Variants in GRIA2 observed in about 807,000 individuals in gnomAD.
The protein encoded by GRIA2 is glutamate receptor 2.
A neutral mutation model predicts 97.3 loss-of-function variants in GRIA2; 14 were observed. That is an observed-to-expected ratio of 0.14 (90% confidence interval 0.10 to 0.23). The LOEUF is 0.23. Ranked by LOEUF, GRIA2 falls within the 10% of genes least tolerant of loss-of-function variation. The probability of loss-of-function intolerance (pLI) is 1.00; values close to 1 mark genes in which losing one functional copy is unlikely to be tolerated. For missense variants in GRIA2, 558 were observed against 1,069.8 expected, an observed-to-expected ratio of 0.52 and a Z score of 6.67; for synonymous variants, 412 against 387.8, an observed-to-expected ratio of 1.06 and a Z score of -0.73.
intron 2 of GRIA2, among the ~76,000 whole-genome samples, chr4:157,260,336 A>G (rs776550201): frequency 3.3e-5 from 5 of 152,114 alleles, no homozygotes; most frequent in Non-Finnish European, 7.4e-5. Context: ...CTTAATCAAT[A>G]TAAAGCTGTA....
At chr4:157,327,685 T>C (rs1017036173) in intron 6 of GRIA2, among the ~76,000 whole-genome samples, 1 of 152,132 alleles carries the variant, frequency 6.6e-6, no homozygotes, top group Admixed American at 6.6e-5. Context: ...AGTCTCCTAC[T>C]GGTGTTAAGG....
intron 2 of GRIA2, among the ~76,000 whole-genome samples, chr4:157,243,091 G>A (rs1246051807): frequency 6.6e-6 from 1 of 152,134 alleles, no homozygotes; most frequent in Non-Finnish European, 1.5e-5. Flanking sequence ...AGAAGGCAGA[G>A]TGTTGCCTTG....
chr4:157,355,618 T>TTATATATATTTATTTA (rs1560780550), intron 12 of GRIA2, among the ~76,000 whole-genome samples: 1 of 139,504 alleles, frequency 7.2e-6, no homozygotes, highest in African/African-American at 2.6e-5. Context: ...ATATATTTAT[T>TTATATATATTTATTTA]TATATATATT....
intron 2 of GRIA2, among the ~76,000 whole-genome samples, chr4:157,271,401 A>C (rs1294344298): frequency 6.6e-6 from 1 of 152,086 alleles, no homozygotes; most frequent in Non-Finnish European, 1.5e-5. Flanking sequence ...GCTATAAATC[A>C]GGGTTCCCAT....
At chr4:157,231,504 A>C (rs1032227299) in intron 2 of GRIA2, among the ~76,000 whole-genome samples, 9 of 152,194 alleles carry the variant, frequency 5.9e-5, no homozygotes, top group African/African-American at 2.2e-4. Context: ...TGAGGAAAAA[A>C]CACAAATTTA....
At chr4:157,273,867 T>A (rs966314727) in intron 2 of GRIA2, among the ~76,000 whole-genome samples, 16 of 152,056 alleles carry the variant, frequency 1.1e-4, no homozygotes, top group African/African-American at 3.1e-4. Context: ...CATCCAGATA[T>A]CTCAAAGAAC....
At chr4:157,356,672 A>G (rs1736392365) in intron 12 of GRIA2, among the ~76,000 whole-genome samples, 2 of 152,166 alleles carry the variant, frequency 1.3e-5, no homozygotes, top group South Asian at 4.1e-4. Flanking sequence ...GTAACATGAA[A>G]TTGCTGGATT....
intron 3 of GRIA2, among the ~76,000 whole-genome samples, chr4:157,305,340 A>G (rs1405229633): frequency 6.6e-6 from 1 of 151,884 alleles, no homozygotes; most frequent in Non-Finnish European, 1.5e-5. Flanking sequence ...AAGCCACCAT[A>G]ATGTGTTCAG....
intron 15 of GRIA2, 26 bp downstream of exon 15, chr4:157,363,073 T>G: frequency 1.3e-6 from 2 of 1,580,248 alleles, no homozygotes; most frequent in Non-Finnish European, 1.7e-6. Flanking sequence ...TAATACAAAC[T>G]TTTTAGTGCA....
chr4:157,291,846 G>A (rs1355706201), intron 2 of GRIA2, among the ~76,000 whole-genome samples: 1 of 151,792 alleles, frequency 6.6e-6, no homozygotes, highest in Non-Finnish European at 1.5e-5. Context: ...ACTGATAAGA[G>A]GGTTCAGTAA....
At chr4:157,284,767 T>C (rs540371578) in intron 2 of GRIA2, among the ~76,000 whole-genome samples, 1 of 151,782 alleles carries the variant, frequency 6.6e-6, no homozygotes, top group Non-Finnish European at 1.5e-5. Context: ...TTTAAAATTC[T>C]TCAGCACTTA....
At chr4:157,261,947 A>G (rs947640555) in intron 2 of GRIA2, among the ~76,000 whole-genome samples, 1 of 152,022 alleles carries the variant, frequency 6.6e-6, no homozygotes, top group Non-Finnish European at 1.5e-5. Context: ...TGTTCTTTCC[A>G]TTATACCATG....
chr4:157,223,547 G>A (rs1729603088), intron 2 of GRIA2, among the ~76,000 whole-genome samples: 1 of 152,156 alleles, frequency 6.6e-6, no homozygotes, highest in East Asian at 1.9e-4. Flanking sequence ...TTACCTAACA[G>A]ATTTAGACTA....
chr4:157,274,794 T>C (rs932005773), intron 2 of GRIA2, among the ~76,000 whole-genome samples: 1 of 151,830 alleles, frequency 6.6e-6, no homozygotes, highest in African/African-American at 2.4e-5. Flanking sequence ...TGGTTCCAAG[T>C]CTTTGCTATT....
chr4:157,277,902 G>GTATATATATATGTATATATGTA, intron 2 of GRIA2, among the ~76,000 whole-genome samples: 1 of 137,980 alleles, frequency 7.2e-6, no homozygotes, highest in Non-Finnish European at 1.6e-5. Context: ...ATATATATAT[G>GTATATATATATGTATATATGTA]TATATATGTA....
chr4:157,363,735 T>C lies in GRIA2; in HGVS notation c.*304T>C. ...TAAATATGTGGAGTTCATCTTGAATTGTAAGGAATGATTAATTAAAACACA... is the reference window on the plus strand; with the variant it reads ...TAAATATGTGGAGTTCATCTTGAATCGTAAGGAATGATTAATTAAAACACA... On this transcript the variant is annotated 3_prime_UTR_variant, in exon 16 of 16. Transcript: ENST00000264426. The C allele has an allele frequency of 7.2e-6, 3 of 418,902 alleles. No homozygotes were observed. The highest frequency in any genetic ancestry group is 1.2e-5 in the Non-Finnish European group (3 of 244,174). The allele number at this position is 418,902 out of a possible 1,614,324, so 25.9% of individuals were successfully genotyped here. A position where few individuals can be genotyped will look rare whatever the true frequency, so the allele number is the denominator to read the frequency against.
chr4:157,363,440 C>T lies in GRIA2; in HGVS notation c.*9C>T. The T allele has an allele frequency of 8.0e-7, 1 of 1,244,022 alleles. No individual in the cohort carries two copies. 77.1% of individuals were successfully genotyped at this position (1,244,022 alleles called of 1,614,324 possible). Reference sequence around the variant, plus strand: ...TCCCTCCTCTCTCATTTAAGATGACCTTGAATGATGCCATGAGGAACAAGG... The same window carrying T: ...TCCCTCCTCTCTCATTTAAGATGACTTTGAATGATGCCATGAGGAACAAGG... On this transcript the variant is annotated 3_prime_UTR_variant, in exon 16 of 16. Transcript: ENST00000264426.
chr4:157,354,778 G>A (rs1293585974), intron 12 of GRIA2, among the ~76,000 whole-genome samples: 1 of 152,140 alleles, frequency 6.6e-6, no homozygotes, highest in Non-Finnish European at 1.5e-5. Context: ...TTAGGGTAGT[G>A]CGTATGTTAG....
In GRIA2 at chr4:157,333,344, GC is replaced by G; in HGVS notation, c.1150del (p.Arg384GlyfsTer45). 6.4e-7 allele frequency: 1 copy of G among 1,561,394 alleles called. No homozygotes were observed. Among genetic ancestry groups the G allele is most frequent in the Non-Finnish European group, 8.8e-7 (1 of 1,139,952 alleles). On this transcript the variant is annotated frameshift_variant, in exon 8 of 16. Transcript: ENST00000264426. LOFTEE classifies it high-confidence loss of function. ...ACATCATGGAGCTCAAAACTAATGGGCCCCGGAAGGTAAATCCTTAGTGATT... is the reference window on the plus strand; with the variant it reads ...ACATCATGGAGCTCAAAACTAATGGGCCCGGAAGGTAAATCCTTAGTGATT... ...INIMELKTNGPRKIGYWSEVD... is the reference protein window; with the variant it reads ...INIMELKTNGXRKIGYWSEVD...
Sources: gnomAD v4.1 joint callset for allele counts (sites outside exome capture counted in the v4.1 genomes callset) on GRCh38, gnomAD v4.1.1 for gene constraint, MANE v1.5 for transcripts, NCBI Gene and HGNC (gene_info 2026-07-23, HGNC 2026-07-21) for gene names.